Variants in CTNNA3 observed in about 807,000 individuals in gnomAD.
CTNNA3 encodes the protein catenin alpha-3.
Under a neutral mutation model 95.7 loss-of-function variants are expected in CTNNA3, and 76 were observed. That is an observed-to-expected ratio of 0.79 (90% CI 0.66 to 0.96). The LOEUF (loss-of-function observed/expected upper bound fraction) is 0.96. CTNNA3 is among the 40% of genes least tolerant of loss of function. The pLI, the probability that CTNNA3 is intolerant of heterozygous loss-of-function variation, is 0.00. For missense variants in CTNNA3, 1,191 were observed against 1,089.8 expected, an observed-to-expected ratio of 1.09 and a Z score of -1.31; for synonymous variants, 431 against 374.4, an observed-to-expected ratio of 1.15 and a Z score of -1.74.
At chr10:66,567,587 C>T (rs1842751586) in intron 10 of CTNNA3, among the ~76,000 whole-genome samples, 1 of 151,988 alleles carries the variant, frequency 6.6e-6, no homozygotes, top group Non-Finnish European at 1.5e-5. Context: ...TCTCTGCACT[C>T]TAGCCTGCGT....
chr10:66,462,690 T>G (rs10997148), intron 11 of CTNNA3, among the ~76,000 whole-genome samples: 62,599 of 151,836 alleles, frequency 0.41, 13,976 homozygotes, highest in East Asian at 0.6. Context: ...ACAAATTATT[T>G]CATTTCATTG....
chr10:66,504,067 T>C (rs1226741930), intron 11 of CTNNA3, among the ~76,000 whole-genome samples: 2 of 152,138 alleles, frequency 1.3e-5, no homozygotes, highest in African/African-American at 4.8e-5. Flanking sequence ...GTGAGAACAT[T>C]TACTTGTTCT....
intron 9 of CTNNA3, among the ~76,000 whole-genome samples, chr10:66,646,231 A>G (rs1171905592): frequency 1.3e-5 from 2 of 152,194 alleles, no homozygotes; most frequent in East Asian, 3.9e-4. Context: ...ACAATATGAA[A>G]AAAATTGATG....
intron 5 of CTNNA3, among the ~76,000 whole-genome samples, chr10:67,251,146 G>A (rs1866093034): frequency 6.6e-6 from 1 of 152,188 alleles, no homozygotes; most frequent in Non-Finnish European, 1.5e-5. Flanking sequence ...AATATTATTT[G>A]TCAATGAAAG....
chr10:67,366,466 C>A (rs1383497165), intron 5 of CTNNA3, among the ~76,000 whole-genome samples: 2 of 152,038 alleles, frequency 1.3e-5, no homozygotes, highest in Non-Finnish European at 2.9e-5. Flanking sequence ...CATGGTGAAA[C>A]CCCGTCTCTA....
chr10:66,721,271 AC>A (rs1564639170), intron 9 of CTNNA3, among the ~76,000 whole-genome samples: 1 of 151,748 alleles, frequency 6.6e-6, no homozygotes, highest in Non-Finnish European at 1.5e-5. Context: ...AACATGATAA[AC>A]CTCTCGAGCA....
intron 11 of CTNNA3, among the ~76,000 whole-genome samples, chr10:66,383,212 A>G (rs1367163742): frequency 6.6e-6 from 1 of 152,174 alleles, no homozygotes; most frequent in Non-Finnish European, 1.5e-5. Context: ...AGATTAGATG[A>G]ATGGCTAACT....
chr10:67,152,148 T>C (rs1861113430), intron 7 of CTNNA3, among the ~76,000 whole-genome samples: 2 of 152,016 alleles, frequency 1.3e-5, no homozygotes, highest in African/African-American at 2.4e-5. Flanking sequence ...GAGAGTAGAG[T>C]TGCTGTTTGA....
chr10:66,105,386 G>A (rs1008534054), intron 13 of CTNNA3, among the ~76,000 whole-genome samples: 15 of 152,168 alleles, frequency 9.9e-5, no homozygotes, highest in African/African-American at 1.7e-4. Flanking sequence ...AACAAATTCA[G>A]TTAATCAAAT....
chr10:66,814,502 T>A (rs964914339), intron 7 of CTNNA3, among the ~76,000 whole-genome samples: 7 of 152,122 alleles, frequency 4.6e-5, no homozygotes, highest in Non-Finnish European at 2.9e-5. Context: ...GGATCACACC[T>A]GTAATCCCAG....
intron 9 of CTNNA3, among the ~76,000 whole-genome samples, chr10:66,707,949 A>C (rs1459378859): frequency 1.3e-5 from 2 of 152,150 alleles, no homozygotes; most frequent in African/African-American, 4.8e-5. Flanking sequence ...TGGTGCATTC[A>C]GTCATAATTG....
intron 6 of CTNNA3, among the ~76,000 whole-genome samples, chr10:67,219,104 TG>T (rs1284350697): frequency 6.6e-6 from 1 of 152,214 alleles, no homozygotes. Flanking sequence ...GATCTTCATC[TG>T]CCCGATTCCT....
chr10:66,262,124 G>GTCAAA (rs2091022625), intron 13 of CTNNA3, among the ~76,000 whole-genome samples: 1 of 151,952 alleles, frequency 6.6e-6, no homozygotes, highest in Non-Finnish European at 1.5e-5. Flanking sequence ...TTGGAGTCAG[G>GTCAAA]AGACCTGAAT....
At chr10:66,901,761 A>G (rs937951943) in intron 7 of CTNNA3, among the ~76,000 whole-genome samples, 2 of 152,214 alleles carry the variant, frequency 1.3e-5, no homozygotes, top group Non-Finnish European at 2.9e-5. Context: ...TAAACCAACA[A>G]AGATCAAAAG....
At chr10:66,362,460 C>G (rs1049394546) in intron 12 of CTNNA3, among the ~76,000 whole-genome samples, 5 of 151,648 alleles carry the variant, frequency 3.3e-5, no homozygotes, top group Non-Finnish European at 7.4e-5. Flanking sequence ...CCTGTAATCC[C>G]AGCACTTTGG....
chr10:67,220,422 C>T (rs9651326), intron 5 of CTNNA3, among the ~76,000 whole-genome samples: 38,006 of 152,036 alleles, frequency 0.25, 6,802 homozygotes, highest in African/African-American at 0.5. Flanking sequence ...CATATTCTAG[C>T]CCTTGTGCTG....
chr10:66,265,019 T>G (rs770970859), intron 13 of CTNNA3, among the ~76,000 whole-genome samples: 18 of 152,032 alleles, frequency 1.2e-4, no homozygotes, highest in Non-Finnish European at 2.2e-4. Flanking sequence ...TCATTAAGAT[T>G]TACTACCAAA....
intron 5 of CTNNA3, among the ~76,000 whole-genome samples, chr10:67,370,219 G>C (rs1442215708): frequency 1.3e-5 from 2 of 151,844 alleles, no homozygotes; most frequent in African/African-American, 4.8e-5. Flanking sequence ...TCTATATGCT[G>C]ATGTGGAAAG....
chr10:66,541,046 T>A (rs1841832884), intron 10 of CTNNA3, among the ~76,000 whole-genome samples: 1 of 152,102 alleles, frequency 6.6e-6, no homozygotes, highest in Non-Finnish European at 1.5e-5. Context: ...AGTTTTTTTC[T>A]CTCAAAAAGA....
Sources: gnomAD v4.1 joint callset for allele counts (sites outside exome capture counted in the v4.1 genomes callset) on GRCh38, gnomAD v4.1.1 for gene constraint, MANE v1.5 for transcripts, NCBI Gene and HGNC (gene_info 2026-07-23, HGNC 2026-07-21) for gene names.